Variants in ROBO2 observed in about 807,000 individuals in gnomAD.
ROBO2 encodes the protein roundabout homolog 2.
A neutral mutation model predicts 160.8 loss-of-function variants in ROBO2; 53 were observed. The ratio of observed to expected loss-of-function variants is 0.33; its 90% confidence interval spans 0.26 to 0.41. The LOEUF is 0.41. ROBO2 is among the 10% of genes least tolerant of loss of function. The probability of loss-of-function intolerance (pLI) is 1.00; values close to 1 mark genes in which losing one functional copy is unlikely to be tolerated. For missense variants in ROBO2, 1,577 were observed against 1,722.4 expected (o/e 0.92, Z 1.49); for synonymous variants, 664 against 611.7 (o/e 1.09, Z -1.26).
intron 2 of ROBO2, among the ~76,000 whole-genome samples, chr3:76,620,539 A>T (rs1006533005): frequency 2.6e-5 from 4 of 152,200 alleles, no homozygotes; most frequent in African/African-American, 9.6e-5. Flanking sequence ...TAGAAATATA[A>T]AATTAGGGGT....
chr3:76,066,819 T>A (rs1253126649), intron 2 of ROBO2, among the ~76,000 whole-genome samples: 1 of 151,934 alleles, frequency 6.6e-6, no homozygotes, highest in Non-Finnish European at 1.5e-5. Flanking sequence ...AGAAATAATA[T>A]TTTATATAAA....
At chr3:76,112,705 G>A (rs953524303) in intron 2 of ROBO2, among the ~76,000 whole-genome samples, 1 of 101,514 alleles carries the variant, frequency 9.9e-6, no homozygotes, top group Non-Finnish European at 1.8e-5. Flanking sequence ...TAGCCCAGAA[G>A]CAAGAGATCA....
At chr3:76,443,763 T>C (rs950294486) in intron 2 of ROBO2, among the ~76,000 whole-genome samples, 2 of 152,110 alleles carry the variant, frequency 1.3e-5, no homozygotes, top group African/African-American at 4.8e-5. Context: ...TTAATCAGAA[T>C]CTAGAATGTA....
chr3:77,450,968 G>C (rs2081057558), intron 2 of ROBO2, among the ~76,000 whole-genome samples: 1 of 152,006 alleles, frequency 6.6e-6, no homozygotes, highest in African/African-American at 2.4e-5. Context: ...AAGTCAAAAA[G>C]CATGTTCCAA....
chr3:75,931,207 G>T (rs989848579), intron 1 of ROBO2, among the ~76,000 whole-genome samples: 1 of 152,076 alleles, frequency 6.6e-6, no homozygotes, highest in East Asian at 1.9e-4. Context: ...ATATATTAGG[G>T]TCCTTGAACA....
At chr3:76,965,284 G>A (rs769761329) in intron 2 of ROBO2, among the ~76,000 whole-genome samples, 10 of 152,214 alleles carry the variant, frequency 6.6e-5, no homozygotes, top group South Asian at 2.1e-4. Context: ...TGCTGTGGAC[G>A]GAGAGGAGCT....
intron 2 of ROBO2, among the ~76,000 whole-genome samples, chr3:76,519,568 G>A (rs998912010): frequency 6.6e-6 from 1 of 152,112 alleles, no homozygotes; most frequent in African/African-American, 2.4e-5. Context: ...ACATCTCTAA[G>A]AAAATATCTA....
At chr3:76,347,894 T>C (rs1390372269) in intron 2 of ROBO2, among the ~76,000 whole-genome samples, 1 of 152,168 alleles carries the variant, frequency 6.6e-6, no homozygotes, top group Non-Finnish European at 1.5e-5. Flanking sequence ...ATTTATTATA[T>C]TGTTAATGTG....
intron 2 of ROBO2, among the ~76,000 whole-genome samples, chr3:77,338,571 T>C (rs2066735246): frequency 6.6e-6 from 1 of 152,176 alleles, no homozygotes; most frequent in Non-Finnish European, 1.5e-5. Flanking sequence ...TATTAAACTT[T>C]ATAAAATGAA....
intron 2 of ROBO2, among the ~76,000 whole-genome samples, chr3:76,693,423 A>C (rs559646236): frequency 1.1e-4 from 17 of 149,562 alleles, no homozygotes; most frequent in Non-Finnish European, 2.1e-4. Context: ...TATACACTAC[A>C]TATAGATACA....
intron 5 of ROBO2, among the ~76,000 whole-genome samples, chr3:77,504,416 C>CAAAAAA (rs60117495): frequency 5.4e-4 from 77 of 142,702 alleles, no homozygotes; most frequent in African/African-American, 1.9e-3. Flanking sequence ...CAGTGCTTCT[C>CAAAAAA]AAAAAAAAAA....
chr3:77,615,321 A>C (rs980914905), intron 21 of ROBO2, among the ~76,000 whole-genome samples: 3 of 152,174 alleles, frequency 2.0e-5, no homozygotes, highest in Non-Finnish European at 4.4e-5. Flanking sequence ...ATTTGTTACA[A>C]TTGATGCGCC....
intron 2 of ROBO2, among the ~76,000 whole-genome samples, chr3:76,462,212 TA>T (rs1195214872): frequency 6.6e-6 from 1 of 152,156 alleles, no homozygotes; most frequent in Non-Finnish European, 1.5e-5. Context: ...TAATAATAAA[TA>T]TTTGCCAAAT....
At chr3:77,435,357 T>C (rs1201966785) in intron 2 of ROBO2, among the ~76,000 whole-genome samples, 1 of 152,056 alleles carries the variant, frequency 6.6e-6, no homozygotes, top group Non-Finnish European at 1.5e-5. Flanking sequence ...TTTCATATCA[T>C]ATTTTATTAA....
At chr3:77,483,939 T>G (rs1342594387) in intron 4 of ROBO2, among the ~76,000 whole-genome samples, 3 of 151,774 alleles carry the variant, frequency 2.0e-5, no homozygotes, top group African/African-American at 7.2e-5. Context: ...ATTCTTCAAG[T>G]ATTTTGATTC....
intron 2 of ROBO2, among the ~76,000 whole-genome samples, chr3:76,968,754 T>C (rs746066331): frequency 1.5e-4 from 23 of 152,208 alleles, no homozygotes; most frequent in Non-Finnish European, 3.1e-4. Flanking sequence ...TCATAAATAT[T>C]ATAATCTCAT....
chr3:76,278,196 C>T (rs1708041078), intron 2 of ROBO2, among the ~76,000 whole-genome samples: 1 of 151,852 alleles, frequency 6.6e-6, no homozygotes, highest in Admixed American at 6.6e-5. Flanking sequence ...TAGAATCAAG[C>T]TTCAGAAATG....
At chr3:77,353,531 G>C (rs1476056904) in intron 2 of ROBO2, among the ~76,000 whole-genome samples, 1 of 151,450 alleles carries the variant, frequency 6.6e-6, no homozygotes, top group Non-Finnish European at 1.5e-5. Flanking sequence ...TTTTTTTTGA[G>C]ATGGAGTCTC....
rs371292946 is a variant in ROBO2, at chr3:77,166,706, C to G, written c.388+68366C>G. ...CCCGAGTAGCTGGGACTACAGGCGC[C>G]GCCACCACTCCCGGCTAATTTTTTT... On this transcript the variant is annotated intron_variant, in intron 2 of 25. Transcript: ENST00000461745. Among the ~76,000 whole-genome samples the G allele has an allele frequency of 2.0e-5, 3 of 151,622 alleles. No individual in the cohort carries two copies. The East Asian group carries it at 5.8e-4, about 29-fold the overall frequency.
Sources: gnomAD v4.1 joint callset for allele counts (sites outside exome capture counted in the v4.1 genomes callset) on GRCh38, gnomAD v4.1.1 for gene constraint, MANE v1.5 for transcripts, NCBI Gene and HGNC (gene_info 2026-07-23, HGNC 2026-07-21) for gene names.